The following POFUT3 variants were observed in gnomAD, a reference collection of about 807,000 sequenced individuals.
POFUT3 encodes the protein protein O-fucosyltransferase 3.
the POFUT3 span, chr8:33,453,032 C>G: frequency 1.7e-6 from 1 of 587,088 alleles, no homozygotes; most frequent in East Asian, 2.9e-5. Context: ...CACGCCCGGC[C>G]AGGCTTGTTT....
the POFUT3 span, among the ~76,000 whole-genome samples, chr8:33,438,120 G>C: frequency 6.6e-6 from 1 of 152,316 alleles, no homozygotes; most frequent in African/African-American, 2.4e-5. Context: ...ATGAATAATT[G>C]CATTTAGGTT....
the POFUT3 span, among the ~76,000 whole-genome samples, chr8:33,346,143 G>C: frequency 7.4e-6 from 1 of 135,212 alleles, no homozygotes; most frequent in Admixed American, 7.9e-5. Flanking sequence ...TTAAATTATA[G>C]CCACTGAGTG....
the POFUT3 span, among the ~76,000 whole-genome samples, chr8:33,428,441 G>A: frequency 1.3e-5 from 2 of 152,306 alleles, no homozygotes; most frequent in South Asian, 2.1e-4. Flanking sequence ...TGTCAAAATT[G>A]AGTATGAATG....
chr8:33,458,916 C>T, the POFUT3 span, among the ~76,000 whole-genome samples: 1 of 152,146 alleles, frequency 6.6e-6, no homozygotes, highest in Non-Finnish European at 1.5e-5. Flanking sequence ...TGCCAAAGTG[C>T]TTTTATAAGC....
the POFUT3 span, among the ~76,000 whole-genome samples, chr8:33,340,438 T>TA: frequency 6.6e-6 from 1 of 151,634 alleles, no homozygotes; most frequent in Non-Finnish European, 1.5e-5. Context: ...AAATTGTACA[T>TA]AAAAAATTGC....
the POFUT3 span, among the ~76,000 whole-genome samples, chr8:33,423,552 G>A: frequency 2.6e-4 from 40 of 152,196 alleles, no homozygotes; most frequent in African/African-American, 9.1e-4. Flanking sequence ...TTACAGGTGT[G>A]AGCCACCATT....
chr8:33,333,893 A>G, the POFUT3 span, among the ~76,000 whole-genome samples: 1 of 152,188 alleles, frequency 6.6e-6, no homozygotes, highest in African/African-American at 2.4e-5. Flanking sequence ...GAGGAAGGGA[A>G]GTGGCAAGAG....
chr8:33,339,118 T>A, the POFUT3 span, among the ~76,000 whole-genome samples: 1 of 151,670 alleles, frequency 6.6e-6, no homozygotes, highest in Non-Finnish European at 1.5e-5. Flanking sequence ...CTGGGAAAAA[T>A]TTTTAAAGGA....
the POFUT3 span, among the ~76,000 whole-genome samples, chr8:33,436,100 C>T: frequency 6.6e-6 from 1 of 152,070 alleles, no homozygotes; most frequent in Admixed American, 6.6e-5. Flanking sequence ...GACAGAAGAA[C>T]AGGAAAATGG....
the POFUT3 span, among the ~76,000 whole-genome samples, chr8:33,424,015 T>C: frequency 1.3e-5 from 2 of 151,810 alleles, no homozygotes; most frequent in Non-Finnish European, 2.9e-5. Context: ...GGTACATGCC[T>C]GTAATCCCAG....
At chr8:33,316,803 G>T in the POFUT3 span, among the ~76,000 whole-genome samples, 11 of 151,662 alleles carry the variant, frequency 7.3e-5, no homozygotes, top group East Asian at 1.7e-3. Flanking sequence ...GTGAGGCAAG[G>T]TGACACAGAT....
chr8:33,377,606 C>T, the POFUT3 span: 1 of 152,198 alleles, frequency 6.6e-6, no homozygotes, highest in African/African-American at 2.4e-5. Context: ...AGAAAAGAAT[C>T]TTATGAAATG....
chr8:33,346,369 A>C, the POFUT3 span, among the ~76,000 whole-genome samples: 1 of 152,188 alleles, frequency 6.6e-6, no homozygotes, highest in East Asian at 1.9e-4. Flanking sequence ...TTTAGATTAC[A>C]TGCTTCATGA....
chr8:33,389,268 G>A, the POFUT3 span: 1 of 1,614,018 alleles, frequency 6.2e-7, no homozygotes, highest in Non-Finnish European at 8.5e-7. Context: ...TAATATACAG[G>A]GACTACCCCC....
At chr8:33,393,544 G>A in the POFUT3 span, among the ~76,000 whole-genome samples, 1 of 152,192 alleles carries the variant, frequency 6.6e-6, no homozygotes, top group Non-Finnish European at 1.5e-5. Flanking sequence ...ATGTTTATAT[G>A]CCCCTCTCCT....
At chr8:33,360,694 C>T in the POFUT3 span, 1 of 152,194 alleles carries the variant, frequency 6.6e-6, no homozygotes, top group Non-Finnish European at 1.5e-5. Flanking sequence ...TAAGGTCCCT[C>T]TACCTACTGT....
chr8:33,314,419 G>A, the POFUT3 span, among the ~76,000 whole-genome samples: 1 of 152,198 alleles, frequency 6.6e-6, no homozygotes, highest in African/African-American at 2.4e-5. Flanking sequence ...AACAGACAGT[G>A]TACTACAGCT....
the POFUT3 span, chr8:33,389,218 T>G: frequency 6.2e-7 from 1 of 1,614,144 alleles, no homozygotes; most frequent in Non-Finnish European, 8.5e-7. Flanking sequence ...GAATAGCACT[T>G]TTGTTACTTG....
At chr8:33,357,598 CTTAAG>C in the POFUT3 span, among the ~76,000 whole-genome samples, 4 of 151,540 alleles carry the variant, frequency 2.6e-5, no homozygotes, top group South Asian at 2.1e-4. Context: ...GTATATACCT[CTTAAG>C]TTTTCTTTTG....
Sources: allele counts gnomAD v4.1 joint callset (sites outside exome capture counted in the v4.1 genomes callset), GRCh38; gene constraint gnomAD v4.1.1; transcripts MANE v1.5; gene names NCBI Gene and HGNC (gene_info 2026-07-23, HGNC 2026-07-21).